Variants in CACNB2 observed in about 807,000 individuals in gnomAD.
The protein encoded by CACNB2 is voltage-dependent L-type calcium channel subunit beta-2.
Under a neutral mutation model 73.3 loss-of-function variants are expected in CACNB2, and 42 were observed. The ratio of observed to expected loss-of-function variants is 0.57; its 90% CI spans 0.45 to 0.74. The LOEUF (loss-of-function observed/expected upper bound fraction) is 0.74. CACNB2 is among the 30% of genes least tolerant of loss of function. The pLI, the probability that CACNB2 is intolerant of heterozygous loss-of-function variation, is 0.00. For missense variants in CACNB2, 940 were observed against 853.0 expected, an observed-to-expected ratio of 1.10 and a Z score of -1.27; for synonymous variants, 348 against 310.3, an observed-to-expected ratio of 1.12 and a Z score of -1.28.
At chr10:18,494,378 C>T (rs542221605) in intron 3 of CACNB2, among the ~76,000 whole-genome samples, 1 of 152,094 alleles carries the variant, frequency 6.6e-6, no homozygotes, top group East Asian at 1.9e-4. Context: ...GCCTGTAATC[C>T]CAGCACTTTG....
intron 3 of CACNB2, among the ~76,000 whole-genome samples, chr10:18,487,408 G>A (rs954800859): frequency 3.3e-5 from 5 of 152,150 alleles, no homozygotes; most frequent in African/African-American, 1.2e-4. Context: ...AAGCCTTACC[G>A]AGGACTCTCT....
chr10:18,302,122 A>G (rs907196355), intron 2 of CACNB2, among the ~76,000 whole-genome samples: 1 of 152,188 alleles, frequency 6.6e-6, no homozygotes, highest in Non-Finnish European at 1.5e-5. Context: ...AAAATTGCCC[A>G]CATCAGGCCT....
chr10:18,436,186 T>C (rs1018577047), intron 3 of CACNB2, among the ~76,000 whole-genome samples: 2 of 152,242 alleles, frequency 1.3e-5, no homozygotes, highest in African/African-American at 4.8e-5. Flanking sequence ...AATTAATTGA[T>C]TTAAAATTTA....
chr10:18,309,146 T>C (rs895475618), intron 2 of CACNB2, among the ~76,000 whole-genome samples: 1 of 152,232 alleles, frequency 6.6e-6, no homozygotes, highest in African/African-American at 2.4e-5. Context: ...TTTTAAAATA[T>C]TGAATGGTTA....
At chr10:18,287,487 C>A (rs1415829627) in intron 2 of CACNB2, among the ~76,000 whole-genome samples, 11 of 152,080 alleles carry the variant, frequency 7.2e-5, no homozygotes, top group African/African-American at 2.7e-4. Context: ...GCTGGTGTAA[C>A]AAAAGCACCA....
chr10:18,214,878 C>A (rs936050701), intron 2 of CACNB2, among the ~76,000 whole-genome samples: 1 of 152,134 alleles, frequency 6.6e-6, no homozygotes, highest in African/African-American at 2.4e-5. Context: ...TGTGTACTGG[C>A]TGAATGTCCC....
At position 18,414,483 on chromosome 10, in the gene CACNB2, CTTTTT is replaced by C. The variant is rs11384501; in HGVS notation, c.333+12458_333+12462del. On this transcript the variant is annotated intron_variant, in intron 3 of 13. Transcript: ENST00000324631. ...GTTCCAGAATCCTTGTTACTACTAC[CTTTTT>C]TTTTTTTTTTTTTTTTTGGAGACAG... 3.8e-5 allele frequency among the ~76,000 whole-genome samples: 5 copies of C among 132,200 alleles called. No homozygotes were observed. The South Asian group carries it at 9.6e-4, about 25-fold the overall frequency. The allele number at this position is 132,200 out of a possible 152,430, so 86.7% of individuals were successfully genotyped here. A position where few individuals can be genotyped will look rare whatever the true frequency, so the allele number is the denominator to read the frequency against.
chr10:18,218,444 C>T (rs2035599133), intron 2 of CACNB2, among the ~76,000 whole-genome samples: 1 of 152,156 alleles, frequency 6.6e-6, no homozygotes, highest in African/African-American at 2.4e-5. Flanking sequence ...TTGGTTATAA[C>T]ATTTTTATTC....
At chr10:18,310,741 G>T (rs1244646160) in intron 2 of CACNB2, among the ~76,000 whole-genome samples, 3 of 151,110 alleles carry the variant, frequency 2.0e-5, no homozygotes, top group Non-Finnish European at 4.4e-5. Flanking sequence ...CACCATGCCT[G>T]GCTAATTTTT....
intron 2 of CACNB2, chr10:18,260,522 C>T (rs1218144109): frequency 3.0e-6 from 3 of 985,434 alleles, no homozygotes; most frequent in Admixed American, 6.1e-5. Flanking sequence ...ATCCTCCTTA[C>T]AATTCATGTG....
chr10:18,212,538 T>C (rs2035359219), intron 2 of CACNB2, among the ~76,000 whole-genome samples: 1 of 152,202 alleles, frequency 6.6e-6, no homozygotes, highest in African/African-American at 2.4e-5. Context: ...ATTTTTTCCT[T>C]TGTTTTCCAT....
intron 2 of CACNB2, among the ~76,000 whole-genome samples, chr10:18,352,019 T>C (rs2041728225): frequency 6.6e-6 from 1 of 152,222 alleles, no homozygotes; most frequent in South Asian, 2.1e-4. Context: ...GTTTGACCTG[T>C]TTGCAGAGCT....
At chr10:18,527,987 T>A (rs1365527594) in intron 10 of CACNB2, among the ~76,000 whole-genome samples, 2 of 152,206 alleles carry the variant, frequency 1.3e-5, no homozygotes, top group Admixed American at 1.3e-4. Flanking sequence ...TGGCTTTGCA[T>A]CAGTGTTACC....
chr10:18,518,520 C>A (rs2133160980), intron 8 of CACNB2, 104 bp downstream of exon 8: 3 of 849,842 alleles, frequency 3.5e-6, no homozygotes, highest in East Asian at 2.4e-5. Context: ...GCTTAAGGAG[C>A]CAACTTTAGA....
intron 2 of CACNB2, among the ~76,000 whole-genome samples, chr10:18,286,290 G>A (rs2038785993): frequency 3.3e-5 from 5 of 152,132 alleles, no homozygotes; most frequent in South Asian, 4.1e-4. Context: ...GCCAAGGCGG[G>A]CGGATCACGA....
At chr10:18,291,000 A>C (rs1323200601) in intron 2 of CACNB2, among the ~76,000 whole-genome samples, 6 of 152,110 alleles carry the variant, frequency 3.9e-5, no homozygotes, top group Admixed American at 3.9e-4. Context: ...TATTTTTCTT[A>C]CCTTATAAAC....
chr10:18,318,333 C>A (rs2040271785), intron 2 of CACNB2, among the ~76,000 whole-genome samples: 2 of 152,122 alleles, frequency 1.3e-5, no homozygotes, highest in African/African-American at 4.8e-5. Flanking sequence ...TGTCTACAAC[C>A]ATCTGATCTT....
intron 3 of CACNB2, among the ~76,000 whole-genome samples, chr10:18,445,265 T>C (rs1166737421): frequency 1.3e-5 from 2 of 152,220 alleles, no homozygotes; most frequent in Non-Finnish European, 1.5e-5. Flanking sequence ...CCCTGAGAAC[T>C]GGTACAAATT....
At chr10:18,168,282 A>G (rs1330666740) in intron 2 of CACNB2, among the ~76,000 whole-genome samples, 1 of 152,108 alleles carries the variant, frequency 6.6e-6, no homozygotes, top group Non-Finnish European at 1.5e-5. Flanking sequence ...TAAAAATATA[A>G]CTAAAAGAAA....
Sources: allele counts gnomAD v4.1 joint callset (sites outside exome capture counted in the v4.1 genomes callset), GRCh38; gene constraint gnomAD v4.1.1; transcripts MANE v1.5; gene names NCBI Gene and HGNC (gene_info 2026-07-23, HGNC 2026-07-21).